Variants in SVOPL observed in about 807,000 individuals in gnomAD.
The protein encoded by SVOPL is putative transporter SVOPL.
Under a neutral mutation model 61.0 loss-of-function variants are expected in SVOPL, and 60 were observed. The ratio of observed to expected loss-of-function variants is 0.98; its 90% CI spans 0.80 to 1.22. The LOEUF is 1.22. Among genes scored for constraint, SVOPL ranks in the 50% most tolerant of loss-of-function variants. The pLI, the probability that SVOPL is intolerant of heterozygous loss-of-function variation, is 0.00. For missense variants in SVOPL, 662 were observed against 643.9 expected, an observed-to-expected ratio of 1.03 and a Z score of -0.30; for synonymous variants, 279 against 250.0, an observed-to-expected ratio of 1.12 and a Z score of -1.09.
chr7:138,694,396 C>T (rs1362407044), intron 1 of SVOPL, among the ~76,000 whole-genome samples: 1 of 152,012 alleles, frequency 6.6e-6, no homozygotes, highest in Admixed American at 6.6e-5. Context: ...AAGTGCCTGC[C>T]ACCACGCCCA....
chr7:138,598,221 G>C (rs953490613), intron 14 of SVOPL, among the ~76,000 whole-genome samples: 14 of 152,034 alleles, frequency 9.2e-5, no homozygotes, highest in African/African-American at 3.1e-4. Context: ...CTTCTAAAAA[G>C]CAGCCCAGAC....
At chr7:138,662,143 G>A (rs1047863120) in intron 5 of SVOPL, 12 of 985,348 alleles carry the variant, frequency 1.2e-5, no homozygotes, top group African/African-American at 1.0e-4. Context: ...GTCCCTGGAC[G>A]GGACATTCAG....
chr7:138,648,966 A>G lies in SVOPL; in HGVS notation c.660+46T>C, dbSNP rs753509925. 4.3e-6 allele frequency: 7 copies of G among 1,611,552 alleles called. No homozygotes were observed. The South Asian group carries it at 7.7e-5, about 18-fold the overall frequency. ...ATTTGTGGGGCATGAAGGCCACTGG[A>G]CCAGCAGGAGGAGGGGACAGGAAGG... On this transcript the variant is annotated intron_variant, in intron 8 of 15. Transcript: ENST00000674285.
At chr7:138,686,676 C>T (rs1345225369) in intron 1 of SVOPL, among the ~76,000 whole-genome samples, 3 of 149,804 alleles carry the variant, frequency 2.0e-5, no homozygotes, top group Non-Finnish European at 4.4e-5. Context: ...AGCAATTCTC[C>T]TGCCTCAGCC....
intron 3 of SVOPL, 63 bp downstream of exon 3, chr7:138,678,371 A>T (rs1292503787): frequency 2.0e-6 from 3 of 1,514,802 alleles, no homozygotes; most frequent in Non-Finnish European, 2.7e-6. Flanking sequence ...GGCTCAGAAT[A>T]AATCTCTTCA....
chr7:138,681,236 C>T (rs1428490673), intron 1 of SVOPL, among the ~76,000 whole-genome samples: 6 of 147,210 alleles, frequency 4.1e-5, no homozygotes, highest in Non-Finnish European at 8.9e-5. Context: ...TATTATATAA[C>T]ATATATAATA....
At chr7:138,612,443 A>AAAT (rs1799089798) in intron 14 of SVOPL, among the ~76,000 whole-genome samples, 2 of 18,754 alleles carry the variant, frequency 1.1e-4, no homozygotes, top group African/African-American at 2.1e-4. Flanking sequence ...AAATAAAAAA[A>AAAT]AAATAAAAAA....
intron 13 of SVOPL, among the ~76,000 whole-genome samples, chr7:138,624,365 G>C (rs1799803792): frequency 6.6e-6 from 1 of 152,118 alleles, no homozygotes; most frequent in South Asian, 2.1e-4. Context: ...GAAATCTTTG[G>C]GATCTAATTT....
intron 14 of SVOPL, chr7:138,597,179 GTTC>G: frequency 1.6e-6 from 2 of 1,288,838 alleles, no homozygotes; most frequent in Non-Finnish European, 2.0e-6. Context: ...CTTGGTCTGT[GTTC>G]TTGATAGTTC....
chr7:138,604,394 C>T lies in SVOPL; in HGVS notation c.1354-7864G>A, dbSNP rs575768688. On this transcript the variant is annotated intron_variant, in intron 14 of 15. Coordinates refer to ENST00000674285, the MANE Select transcript of SVOPL (RefSeq NM_001139456.2). ...ATATAAAATATGTTAATATAGTGGG[C>T]TGGGCATGGTGGCTTACGCCTGTAA... 1.8e-3 allele frequency among the ~76,000 whole-genome samples: 274 copies of T among 152,190 alleles called. 1 individual carries two copies. The highest frequency in any genetic ancestry group is 6.3e-3 in the African/African-American group (263 of 41,540).
intron 9 of SVOPL, among the ~76,000 whole-genome samples, chr7:138,640,350 G>C (rs1800722620): frequency 6.6e-6 from 1 of 151,950 alleles, no homozygotes; most frequent in Non-Finnish European, 1.5e-5. Context: ...TACTGCCTCA[G>C]CCTCCCGAGT....
rs769738277 is a variant in SVOPL, at chr7:138,621,986, C to G, written c.1264-851G>C. ...TGTATCTATCTATGTATCTATCTAT[C>G]TATGTATCTATCTATCTATGTATCT... On this transcript the variant is annotated intron_variant, in intron 13 of 15. Coordinates refer to ENST00000674285, the MANE Select transcript of SVOPL (RefSeq NM_001139456.2). 3.6e-3 allele frequency among the ~76,000 whole-genome samples: 62 copies of G among 17,272 alleles called. 3 individuals carry two copies. Among genetic ancestry groups the G allele is most frequent in the African/African-American group, 7.5e-3 (48 of 6,392 alleles). The allele number at this position is 17,272 out of a possible 152,430, so 11.3% of individuals were successfully genotyped here.
At chr7:138,598,136 T>A (rs1414355431) in intron 14 of SVOPL, among the ~76,000 whole-genome samples, 4 of 152,236 alleles carry the variant, frequency 2.6e-5, no homozygotes, top group Admixed American at 6.5e-5. Context: ...TTTGGAAATT[T>A]GTTAAAATGC....
intron 14 of SVOPL, among the ~76,000 whole-genome samples, chr7:138,609,604 A>T (rs954391633): frequency 2.0e-5 from 3 of 151,972 alleles, no homozygotes; most frequent in Non-Finnish European, 2.9e-5. Context: ...GGTGGCAATA[A>T]GCTGTGATCG....
chr7:138,627,923 G>C (rs548978877), intron 11 of SVOPL, among the ~76,000 whole-genome samples: 3 of 152,078 alleles, frequency 2.0e-5, no homozygotes, highest in Non-Finnish European at 2.9e-5. Flanking sequence ...ATGTTAAAAT[G>C]TAAGGGTGAA....
intron 3 of SVOPL, among the ~76,000 whole-genome samples, chr7:138,676,275 T>A (rs113002372): frequency 0.014 from 2,168 of 152,344 alleles, 57 homozygotes; most frequent in African/African-American, 0.05. Flanking sequence ...CGTAGGGTGT[T>A]TGTCTTAGTC....
intron 8 of SVOPL, among the ~76,000 whole-genome samples, chr7:138,648,269 G>A (rs1413340216): frequency 1.3e-5 from 2 of 152,076 alleles, no homozygotes; most frequent in African/African-American, 4.8e-5. Flanking sequence ...TAAGGGAGGT[G>A]AGGGCTGCCC....
chr7:138,648,860 T>G, intron 8 of SVOPL, 152 bp downstream of exon 8: 1 of 1,159,494 alleles, frequency 8.6e-7, no homozygotes, highest in South Asian at 1.8e-5. Flanking sequence ...AGGCAGAGGC[T>G]GCAGTGAGCC....
At chr7:138,614,516 C>T (rs1409131085) in intron 14 of SVOPL, among the ~76,000 whole-genome samples, 1 of 151,968 alleles carries the variant, frequency 6.6e-6, no homozygotes, top group African/African-American at 2.4e-5. Flanking sequence ...CCGCCTCAGC[C>T]TCCTGAGTAG....
Sources: gnomAD v4.1 joint callset for allele counts (sites outside exome capture counted in the v4.1 genomes callset) on GRCh38, gnomAD v4.1.1 for gene constraint, MANE v1.5 for transcripts, NCBI Gene and HGNC (gene_info 2026-07-23, HGNC 2026-07-21) for gene names.